The following TMEM117 variants were observed in gnomAD, a reference collection of about 807,000 sequenced individuals.
The protein encoded by TMEM117 is transmembrane protein 117.
In TMEM117, 27 loss-of-function variants were observed where a neutral mutation model predicts 52.4. The ratio of observed to expected loss-of-function variants is 0.51; its 90% CI spans 0.38 to 0.71. TMEM117 has a LOEUF of 0.71. Among genes scored for constraint, TMEM117 ranks in the 30% least tolerant of loss-of-function variants. The pLI, the probability that TMEM117 is intolerant of heterozygous loss-of-function variation, is 0.00. For missense variants in TMEM117, 556 were observed against 630.5 expected, an observed-to-expected ratio of 0.88 and a Z score of 1.26; for synonymous variants, 215 against 206.3, an observed-to-expected ratio of 1.04 and a Z score of -0.36.
At chr12:43,852,650 T>C (rs896628620) in intron 2 of TMEM117, among the ~76,000 whole-genome samples, 1 of 152,198 alleles carries the variant, frequency 6.6e-6, no homozygotes, top group Non-Finnish European at 1.5e-5. Context: ...GATGCTTTAT[T>C]TCATGAAAAC....
intron 3 of TMEM117, among the ~76,000 whole-genome samples, chr12:44,090,651 G>C (rs1947650741): frequency 6.6e-6 from 1 of 151,342 alleles, no homozygotes; most frequent in Non-Finnish European, 1.5e-5. Flanking sequence ...TGCTCAGGCT[G>C]GTCTCAAACC....
chr12:44,108,365 C>A (rs1406067576), intron 3 of TMEM117, among the ~76,000 whole-genome samples: 1 of 109,710 alleles, frequency 9.1e-6, no homozygotes, highest in African/African-American at 3.6e-5. Flanking sequence ...CTCCCCCGAC[C>A]CCACCACAGT....
In TMEM117 at chr12:44,137,878, C is replaced by T. The variant is rs1325206572; in HGVS notation, c.411-5647C>T. On this transcript the variant is annotated intron_variant, in intron 3 of 7. Transcript: ENST00000266534. Reference sequence around the variant, plus strand: ...AGCCAAACCATATCACATGCTTTACCCTGTGACATTGGGGACCACAATATT... The same window carrying T: ...AGCCAAACCATATCACATGCTTTACTCTGTGACATTGGGGACCACAATATT... Among the ~76,000 whole-genome samples, 4 of 152,074 alleles carry T rather than the reference C, an allele frequency of 2.6e-5. No homozygotes were observed. The East Asian group carries it at 7.7e-4, about 29-fold the overall frequency.
At chr12:44,046,690 G>A (rs1047414293) in intron 3 of TMEM117, among the ~76,000 whole-genome samples, 1 of 152,226 alleles carries the variant, frequency 6.6e-6, no homozygotes, top group African/African-American at 2.4e-5. Flanking sequence ...AATGAGGACT[G>A]TAACTGTCAT....
intron 7 of TMEM117, among the ~76,000 whole-genome samples, chr12:44,386,857 A>G (rs1047298651): frequency 6.6e-6 from 1 of 152,102 alleles, no homozygotes; most frequent in Non-Finnish European, 1.5e-5. Flanking sequence ...ATATTTTCCT[A>G]AACTCCTCGC....
chr12:44,070,429 G>A (rs1947284673), intron 3 of TMEM117, among the ~76,000 whole-genome samples: 1 of 152,170 alleles, frequency 6.6e-6, no homozygotes, highest in Non-Finnish European at 1.5e-5. Flanking sequence ...TTCATTCTTA[G>A]CTCCTATAGA....
intron 2 of TMEM117, among the ~76,000 whole-genome samples, chr12:43,888,651 C>T (rs1293523875): frequency 6.7e-6 from 1 of 150,190 alleles, no homozygotes; most frequent in East Asian, 2.0e-4. Flanking sequence ...GGGTTCACGC[C>T]ATTCTCCTGC....
intron 2 of TMEM117, among the ~76,000 whole-genome samples, chr12:43,914,631 C>A (rs1944570127): frequency 6.6e-6 from 1 of 152,086 alleles, no homozygotes; most frequent in African/African-American, 2.4e-5. Context: ...ACTGATACGT[C>A]TGCATATAAA....
chr12:44,251,423 C>T (rs1002793971), intron 5 of TMEM117, among the ~76,000 whole-genome samples: 1 of 151,992 alleles, frequency 6.6e-6, no homozygotes, highest in African/African-American at 2.4e-5. Flanking sequence ...CGGTTGGATG[C>T]TTTTTTTATA....
chr12:44,330,756 T>C (rs1478916788), intron 6 of TMEM117, among the ~76,000 whole-genome samples: 1 of 152,010 alleles, frequency 6.6e-6, no homozygotes, highest in Non-Finnish European at 1.5e-5. Flanking sequence ...TTTGCAGAAA[T>C]CCTATGTCCA....
chr12:43,898,743 G>A (rs1944255786), intron 2 of TMEM117, among the ~76,000 whole-genome samples: 2 of 152,156 alleles, frequency 1.3e-5, no homozygotes, highest in Admixed American at 1.3e-4. Context: ...GTAATAGGGT[G>A]CTTCTCTTAC....
At chr12:44,326,732 A>G (rs1019576683) in intron 6 of TMEM117, among the ~76,000 whole-genome samples, 6 of 152,198 alleles carry the variant, frequency 3.9e-5, no homozygotes, top group Non-Finnish European at 5.9e-5. Flanking sequence ...AAAACATTCA[A>G]TGTCCTATGA....
chr12:44,350,656 A>G (rs1206330208), intron 6 of TMEM117, among the ~76,000 whole-genome samples: 1 of 151,940 alleles, frequency 6.6e-6, no homozygotes, highest in East Asian at 1.9e-4. Flanking sequence ...ACTTAACATA[A>G]TGACCCCCAG....
At chr12:43,984,867 A>G (rs1476059832) in intron 3 of TMEM117, among the ~76,000 whole-genome samples, 1 of 152,198 alleles carries the variant, frequency 6.6e-6, no homozygotes, top group Non-Finnish European at 1.5e-5. Context: ...TTTATTTGCA[A>G]AATGAAACCA....
At chr12:44,064,283 G>A (rs577406744) in intron 3 of TMEM117, among the ~76,000 whole-genome samples, 58 of 152,228 alleles carry the variant, frequency 3.8e-4, no homozygotes, top group African/African-American at 1.2e-3. Context: ...AAAAGTTTCC[G>A]CTTAAATATT....
intron 3 of TMEM117, among the ~76,000 whole-genome samples, chr12:43,991,020 T>C (rs968092999): frequency 6.6e-6 from 1 of 152,212 alleles, no homozygotes; most frequent in Non-Finnish European, 1.5e-5. Context: ...GAAATATGTG[T>C]GATCAGTGTC....
At chr12:44,180,256 C>T (rs982877607) in intron 4 of TMEM117, among the ~76,000 whole-genome samples, 3 of 151,856 alleles carry the variant, frequency 2.0e-5, no homozygotes, top group Admixed American at 6.6e-5. Flanking sequence ...TCATCATCAT[C>T]ATTAATATTC....
At chr12:44,148,791 G>T (rs1418982130) in intron 4 of TMEM117, among the ~76,000 whole-genome samples, 1 of 152,082 alleles carries the variant, frequency 6.6e-6, no homozygotes, top group Non-Finnish European at 1.5e-5. Flanking sequence ...AGGTGCTCAA[G>T]AAATATTTAT....
intron 3 of TMEM117, among the ~76,000 whole-genome samples, chr12:44,099,680 C>T (rs1199339352): frequency 6.6e-6 from 1 of 151,960 alleles, no homozygotes; most frequent in Non-Finnish European, 1.5e-5. Context: ...CTTAGAACTG[C>T]ATAAAACATG....
Sources: allele counts gnomAD v4.1 joint callset (sites outside exome capture counted in the v4.1 genomes callset), GRCh38; gene constraint gnomAD v4.1.1; transcripts MANE v1.5; gene names NCBI Gene and HGNC (gene_info 2026-07-23, HGNC 2026-07-21).